Variants in MSR1 observed in about 807,000 individuals in gnomAD.
The protein encoded by MSR1 is macrophage scavenger receptor 1.
In MSR1, 53 loss-of-function variants were observed where a neutral mutation model predicts 47.2. That is an observed-to-expected ratio of 1.12 (90% CI 0.90 to 1.41). The LOEUF (loss-of-function observed/expected upper bound fraction) is 1.41, where lower values mean the gene tolerates loss of function less well. Ranked by LOEUF, MSR1 falls within the 40% of genes most tolerant of loss-of-function variation. MSR1 has a pLI of 0.00. For synonymous variants in MSR1, 239 were observed against 185.6 expected (o/e 1.29, Z -2.34); for missense variants, 786 against 546.9 (o/e 1.44, Z -4.36).
intron 8 of MSR1, among the ~76,000 whole-genome samples, chr8:16,122,717 CAGAT>C (rs1371332967): frequency 6.6e-6 from 1 of 151,960 alleles, no homozygotes; most frequent in African/African-American, 2.4e-5. Flanking sequence ...ATATCAGAAA[CAGAT>C]AGTGCTGCTG....
At position 16,173,717 on chromosome 8, in the gene MSR1, C is replaced by G. The variant is rs1402930964; in HGVS notation, c.217+1470G>C. On this transcript the variant is annotated intron_variant, in intron 3 of 9. Transcript: ENST00000262101. ...AGGCTGGAGCACAGTGGCGCGATCT[C>G]GGCTCACTGCAAGTTCCACCTCCTG... Among the ~76,000 whole-genome samples, 6 of 152,114 alleles carry G rather than the reference C, an allele frequency of 3.9e-5. No individual in the cohort carries two copies. The South Asian group carries it at 1.2e-3, about 32-fold the overall frequency.
intron 5 of MSR1, among the ~76,000 whole-genome samples, chr8:16,156,180 C>G (rs2117148123): frequency 6.6e-6 from 1 of 151,958 alleles, no homozygotes; most frequent in South Asian, 2.1e-4. Context: ...TCCATAGATT[C>G]ACCACAGAAT....
intron 2 of MSR1, among the ~76,000 whole-genome samples, chr8:16,175,561 G>A (rs779141651): frequency 1.3e-5 from 2 of 152,128 alleles, no homozygotes; most frequent in East Asian, 3.9e-4. Context: ...AGTTGTGCTT[G>A]TTTGATCTTT....
chr8:16,168,331 A>G lies in MSR1; in HGVS notation c.630+127T>C, dbSNP rs1335841426. 4.5e-6 allele frequency: 4 copies of G among 891,932 alleles called. No homozygotes were observed. The African/African-American group carries it at 6.7e-5, about 15-fold the overall frequency. 55.3% of individuals were successfully genotyped at this position (891,932 alleles called of 1,614,324 possible). Reference sequence around the variant, plus strand: ...CGTTTAAAATCTGGATAAGTTAGCCATAGAAATCAGGGTAAACAGGATGAT... The same window carrying G: ...CGTTTAAAATCTGGATAAGTTAGCCGTAGAAATCAGGGTAAACAGGATGAT... On this transcript the variant is annotated intron_variant, in intron 4 of 9. Coordinates refer to ENST00000262101, the MANE Select transcript of MSR1 (RefSeq NM_138715.3).
At chr8:16,130,360 A>G (rs1431850787) in intron 8 of MSR1, among the ~76,000 whole-genome samples, 2 of 152,122 alleles carry the variant, frequency 1.3e-5, no homozygotes, top group African/African-American at 4.8e-5. Flanking sequence ...CACATTTTGC[A>G]AATTCTCACA....
Position 16,110,002 on chromosome 8 carries a change from T to A in MSR1, c.*83A>T. ...GCAATATTCTTAATCTCTTAAATAT[T>A]GATTAAATGGATTTTACAGGAACAA... On this transcript the variant is annotated 3_prime_UTR_variant, in exon 10 of 10. Transcript: ENST00000262101. The A allele has an allele frequency of 6.5e-7, 1 of 1,528,618 alleles. No individual in the cohort carries two copies. Among genetic ancestry groups the A allele is most frequent in the African/African-American group, 1.4e-5 (1 of 73,234 alleles). The allele number at this position is 1,528,618 out of a possible 1,614,324, so 94.7% of individuals were successfully genotyped here.
chr8:16,109,920 A>G lies in MSR1; in HGVS notation c.*165T>C, dbSNP rs545251873. ...TAAAATGATTTAAATATAGACATAA[A>G]ATAGTAAGCATGAAGGTGTTCAATA... On this transcript the variant is annotated 3_prime_UTR_variant, in exon 10 of 10. Transcript: ENST00000262101. 3.7e-4 allele frequency: 282 copies of G among 759,388 alleles called. No individual in the cohort carries two copies. In the African/African-American group the frequency reaches 4.7e-3, roughly 13 times the overall value. 47.0% of individuals were successfully genotyped at this position (759,388 alleles called of 1,614,324 possible). A position where few individuals can be genotyped will look rare whatever the true frequency, so the allele number is the denominator to read the frequency against.
chr8:16,176,087 C>A (rs147392429), intron 2 of MSR1, among the ~76,000 whole-genome samples: 55 of 152,256 alleles, frequency 3.6e-4, no homozygotes, highest in African/African-American at 1.3e-3. Context: ...TTTCTATGGT[C>A]ATTGCTTTCA....
intron 8 of MSR1, chr8:16,141,174 G>A (rs1467937724): frequency 5.0e-6 from 5 of 994,068 alleles, no homozygotes; most frequent in Non-Finnish European, 7.6e-6. Flanking sequence ...TACAGATGTG[G>A]GGAATCAGGC....
At chr8:16,176,997 T>C (rs551285584) in intron 2 of MSR1, among the ~76,000 whole-genome samples, 52 of 152,288 alleles carry the variant, frequency 3.4e-4, no homozygotes, top group Non-Finnish European at 6.8e-4. Flanking sequence ...ACCCATCCCC[T>C]TAGCGATATG....
chr8:16,169,840 A>G (rs570190062), intron 3 of MSR1, among the ~76,000 whole-genome samples: 1 of 152,192 alleles, frequency 6.6e-6, no homozygotes, highest in Admixed American at 6.5e-5. Context: ...TTTCAGTAAT[A>G]TAGCCAATGT....
At chr8:16,158,265 T>C (rs1011773138) in intron 5 of MSR1, among the ~76,000 whole-genome samples, 3 of 151,992 alleles carry the variant, frequency 2.0e-5, no homozygotes, top group South Asian at 4.1e-4. Context: ...AGAATTACCT[T>C]TATACAACAC....
chr8:16,159,816 T>C (rs1801113263), intron 5 of MSR1, among the ~76,000 whole-genome samples: 1 of 151,940 alleles, frequency 6.6e-6, no homozygotes, highest in Non-Finnish European at 1.5e-5. Flanking sequence ...CAGCTGGGCC[T>C]TACTATTGGT....
intron 3 of MSR1, among the ~76,000 whole-genome samples, chr8:16,172,610 T>A (rs914071334): frequency 6.6e-6 from 1 of 152,106 alleles, no homozygotes; most frequent in African/African-American, 2.4e-5. Context: ...ATATTGGAAT[T>A]ATCTTTTCAT....
chr8:16,168,987 T>C (rs954020827), intron 3 of MSR1, 117 bp from the exon 4 acceptor site: 38 of 1,058,304 alleles, frequency 3.6e-5, no homozygotes, highest in Non-Finnish European at 4.8e-5. Flanking sequence ...ACATTTTGAA[T>C]GCTAGGCTAA....
intron 1 of MSR1, among the ~76,000 whole-genome samples, chr8:16,180,445 A>G (rs565540112): frequency 6.6e-5 from 10 of 152,284 alleles, no homozygotes; most frequent in Non-Finnish European, 1.3e-4. Context: ...AGGTGATGCA[A>G]TTGGTCTGAG....
At chr8:16,177,837 A>C (rs1563168105) in intron 2 of MSR1, 49 bp downstream of exon 2, 24 of 1,446,746 alleles carry the variant, frequency 1.7e-5, no homozygotes, top group Non-Finnish European at 2.2e-5. Flanking sequence ...ATATTTTGTC[A>C]ATAACTCTAA....
intron 5 of MSR1, among the ~76,000 whole-genome samples, chr8:16,158,118 AT>A (rs1301015644): frequency 2.0e-5 from 3 of 151,980 alleles, no homozygotes; most frequent in Non-Finnish European, 4.4e-5. Flanking sequence ...GTCAAAAAAA[AT>A]GGGTTAATAT....
intron 1 of MSR1, among the ~76,000 whole-genome samples, chr8:16,189,431 C>CTTATTTTATATATATTTTATAT (rs1472474146): frequency 1.5e-5 from 1 of 67,446 alleles, no homozygotes; most frequent in Admixed American, 2.4e-4. Context: ...TATATAAAAT[C>CTTATTTTATATATATTTTATAT]ATATTTTATA....
Sources: allele counts gnomAD v4.1 joint callset (sites outside exome capture counted in the v4.1 genomes callset), GRCh38; gene constraint gnomAD v4.1.1; transcripts MANE v1.5; gene names NCBI Gene and HGNC (gene_info 2026-07-23, HGNC 2026-07-21).